The following NTRK3 variants were observed in gnomAD, a reference collection of about 807,000 sequenced individuals.
NTRK3 encodes neurotrophic receptor tyrosine kinase 3, also known as NT-3 growth factor receptor.
A neutral mutation model predicts 91.7 loss-of-function variants in NTRK3; 24 were observed. The ratio of observed to expected loss-of-function variants is 0.26; its 90% CI spans 0.19 to 0.37. The LOEUF (loss-of-function observed/expected upper bound fraction) is 0.37. Among genes scored for constraint, NTRK3 ranks in the 10% least tolerant of loss-of-function variants. The pLI, the probability that NTRK3 is intolerant of heterozygous loss-of-function variation, is 1.00. For synonymous variants in NTRK3, 483 were observed against 404.0 expected (o/e 1.20, Z -2.34); for missense variants, 880 against 1,068.9 (o/e 0.82, Z 2.46).
chr15:88,122,378 A>G (rs2052810746), intron 13 of NTRK3, among the ~76,000 whole-genome samples: 1 of 152,176 alleles, frequency 6.6e-6, no homozygotes, highest in Non-Finnish European at 1.5e-5. Context: ...GGGGAGAGAC[A>G]GCTGACAGAG....
chr15:88,034,509 G>A (rs2078896172), intron 13 of NTRK3, among the ~76,000 whole-genome samples: 1 of 152,190 alleles, frequency 6.6e-6, no homozygotes, highest in African/African-American at 2.4e-5. Context: ...GACTGTTTGT[G>A]GCTTCATACA....
intron 3 of NTRK3, among the ~76,000 whole-genome samples, chr15:88,221,577 G>C (rs1293878759): frequency 2.0e-5 from 3 of 152,146 alleles, no homozygotes; most frequent in Non-Finnish European, 4.4e-5. Context: ...GATCCCTTGA[G>C]CCCAGGAGTT....
At chr15:88,003,062 A>G (rs1490645597) in intron 14 of NTRK3, among the ~76,000 whole-genome samples, 1 of 152,266 alleles carries the variant, frequency 6.6e-6, no homozygotes, top group Non-Finnish European at 1.5e-5. Flanking sequence ...AGCAAAGGGC[A>G]TGCTTAAGGT....
intron 5 of NTRK3, among the ~76,000 whole-genome samples, chr15:88,160,245 C>G (rs574314565): frequency 6.6e-6 from 1 of 152,144 alleles, no homozygotes; most frequent in African/African-American, 2.4e-5. Context: ...AGGGAAGAGA[C>G]GAGCACGTAG....
intron 5 of NTRK3, among the ~76,000 whole-genome samples, chr15:88,152,368 G>T (rs1454554779): frequency 6.6e-6 from 1 of 152,200 alleles, no homozygotes; most frequent in Non-Finnish European, 1.5e-5. Context: ...TTGGAGATGG[G>T]ATTTTTAAAG....
intron 5 of NTRK3, among the ~76,000 whole-genome samples, chr15:88,150,971 T>C (rs1320206170): frequency 6.6e-6 from 1 of 152,128 alleles, no homozygotes; most frequent in African/African-American, 2.4e-5. Flanking sequence ...CATCAATTAT[T>C]GATGAGCTGG....
intron 13 of NTRK3, among the ~76,000 whole-genome samples, chr15:88,102,366 C>T (rs1038254539): frequency 6.6e-6 from 1 of 151,818 alleles, no homozygotes; most frequent in Non-Finnish European, 1.5e-5. Flanking sequence ...CTGGAAAGGA[C>T]AAAAGAAAAA....
chr15:87,899,217 A>C (rs2066309195), intron 17 of NTRK3, among the ~76,000 whole-genome samples: 1 of 152,168 alleles, frequency 6.6e-6, no homozygotes, highest in South Asian at 2.1e-4. Flanking sequence ...GTAGATGGGC[A>C]TAATTAGTGG....
At chr15:88,047,834 G>A (rs761835245) in intron 13 of NTRK3, among the ~76,000 whole-genome samples, 18 of 152,178 alleles carry the variant, frequency 1.2e-4, no homozygotes, top group Non-Finnish European at 2.5e-4. Flanking sequence ...TAGTAAGCCT[G>A]ATAAAAAGTA....
At chr15:88,054,148 C>A (rs1244981190) in intron 13 of NTRK3, among the ~76,000 whole-genome samples, 1 of 152,210 alleles carries the variant, frequency 6.6e-6, no homozygotes, top group East Asian at 1.9e-4. Flanking sequence ...ATAAAACCTG[C>A]CTCATTTGTT....
Position 88,210,858 on chromosome 15 carries a change from C to T in NTRK3, c.249-26559G>A, listed in dbSNP as rs1374628312. ...GACAGCTGCCACCTTGGATGGAAGG[C>T]AGCTTTGGGAGAGACAAACAGAGCA... is the stretch of plus-strand genomic sequence containing the variant. On this transcript the variant is annotated intron_variant, in intron 3 of 18. Transcript: ENST00000394480. Among the ~76,000 whole-genome samples the T allele has an allele frequency of 5.9e-5, 9 of 152,232 alleles. No homozygotes were observed. In the East Asian group the frequency reaches 1.5e-3, roughly 26 times the overall value.
At chr15:88,161,319 C>A (rs2044434986) in intron 5 of NTRK3, among the ~76,000 whole-genome samples, 1 of 152,096 alleles carries the variant, frequency 6.6e-6, no homozygotes, top group Admixed American at 6.5e-5. Flanking sequence ...GTGGGGGAAG[C>A]CAGGGATTGA....
chr15:88,234,893 C>T lies in NTRK3; in HGVS notation c.248+21013G>A, dbSNP rs2051551573. Among the ~76,000 whole-genome samples, 1 of 152,152 alleles carries T rather than the reference C, an allele frequency of 6.6e-6. No homozygotes were observed. The highest frequency in any genetic ancestry group is 2.1e-4 in the South Asian group (1 of 4,818). ...ACCCTACTCAGCCCTGCTCCCAGGG[C>T]CTCCTATCCAGCCCCCGACACACTT... is the stretch of plus-strand genomic sequence containing the variant. On this transcript the variant is annotated intron_variant, in intron 3 of 18. Transcript: ENST00000394480. This position sits in a 1 kb window ranked among gnomAD's most constrained non-coding sequence, Gnocchi z 6.1.
intron 14 of NTRK3, among the ~76,000 whole-genome samples, chr15:87,994,087 T>A (rs1055286618): frequency 6.6e-6 from 1 of 151,938 alleles, no homozygotes; most frequent in Non-Finnish European, 1.5e-5. Flanking sequence ...AGCTGAGGGA[T>A]TGTAGTGAGG....
intron 13 of NTRK3, among the ~76,000 whole-genome samples, chr15:88,100,608 T>C (rs941459349): frequency 1.3e-5 from 2 of 152,314 alleles, no homozygotes; most frequent in East Asian, 1.9e-4. Context: ...AGAAAAAGTA[T>C]ACTGCATGGG....
chr15:87,948,151 AG>A (rs1364060088), intron 14 of NTRK3, among the ~76,000 whole-genome samples: 1 of 152,232 alleles, frequency 6.6e-6, no homozygotes, highest in African/African-American at 2.4e-5. Context: ...GGCCAGCTAC[AG>A]GCCCTTTGTA....
At chr15:88,197,094 CAAA>C (rs59553739) in intron 3 of NTRK3, among the ~76,000 whole-genome samples, 199 of 56,478 alleles carry the variant, frequency 3.5e-3, no homozygotes, top group African/African-American at 8.7e-3. Context: ...TTGAGCAGGA[CAAA>C]AAAAAAAAAA....
intron 13 of NTRK3, among the ~76,000 whole-genome samples, chr15:88,087,231 A>C (rs2048582999): frequency 6.6e-6 from 1 of 152,178 alleles, no homozygotes; most frequent in African/African-American, 2.4e-5. Context: ...AGTACTGCAG[A>C]GTAAATAAGG....
intron 14 of NTRK3, among the ~76,000 whole-genome samples, chr15:87,951,988 G>A (rs183383166): frequency 3.3e-5 from 5 of 152,182 alleles, no homozygotes; most frequent in East Asian, 1.9e-4. Context: ...TTAGCCAGGC[G>A]TGATGGCACG....
Sources: gnomAD v4.1 joint callset for allele counts (sites outside exome capture counted in the v4.1 genomes callset) on GRCh38, gnomAD v4.1.1 for gene constraint, Gnocchi (gnomAD v3.1) non-coding constraint, MANE v1.5 for transcripts, NCBI Gene and HGNC (gene_info 2026-07-23, HGNC 2026-07-21) for gene names.